Variants in NBPF26 observed in about 807,000 individuals in gnomAD.
NBPF26 encodes NBPF member 26.
Under a neutral mutation model 119.6 loss-of-function variants are expected in NBPF26, and 79 were observed. The observed-to-expected ratio is 0.66, with a 90% CI of 0.55 to 0.80. The LOEUF (loss-of-function observed/expected upper bound fraction) is 0.80. Ranked by LOEUF, NBPF26 falls within the 30% of genes least tolerant of loss-of-function variation. NBPF26 has a pLI of 0.00. For missense variants in NBPF26, 800 were observed against 1,198.2 expected (o/e 0.67, Z 4.91); for synonymous variants, 299 against 457.7 (o/e 0.65, Z 4.43).
chr1:120,791,492 T>G (rs1337680746), intron 3 of NBPF26, among the ~76,000 whole-genome samples: 1 of 89,888 alleles, frequency 1.1e-5, no homozygotes, highest in Non-Finnish European at 2.0e-5. Context: ...TTCATGTCCT[T>G]TGTAGGGACA....
chr1:120,756,712 G>C lies in NBPF26; in HGVS notation c.74-6916G>C, dbSNP rs1651084959. On this transcript the variant is annotated intron_variant, in intron 1 of 29. Transcript: ENST00000620612. ...AGGGAGGCTTTTAAGCCAGTGATAT[G>C]TAGCTGGTATGATACTGAAAAGCAT... Among the ~76,000 whole-genome samples the C allele has an allele frequency of 2.6e-5, 3 of 116,568 alleles. 1 individual carries two copies. Among genetic ancestry groups the C allele is most frequent in the African/African-American group, 1.6e-4 (3 of 19,116 alleles). The allele number at this position is 116,568 out of a possible 152,430, so 76.5% of individuals were successfully genotyped here.
intron 12 of NBPF26, among the ~76,000 whole-genome samples, chr1:120,815,391 C>A (rs1308106718): frequency 8.7e-6 from 1 of 114,418 alleles, no homozygotes; most frequent in Non-Finnish European, 1.7e-5. Context: ...GTCTTTTCGA[C>A]AATGTTCTTA....
intron 2 of NBPF26, among the ~76,000 whole-genome samples, chr1:120,776,454 G>A (rs1376025151): frequency 4.2e-5 from 2 of 48,140 alleles, no homozygotes; most frequent in Admixed American, 4.4e-4. Context: ...ATAAAGGAGA[G>A]AGCTTGAGAT....
chr1:120,815,484 A>T lies in NBPF26; in HGVS notation c.2092+441A>T, dbSNP rs1651988527. On this transcript the variant is annotated intron_variant, in intron 12 of 29. Transcript: ENST00000620612. ...ACAAATTGTCTCTTGCAAGTGTCTG[A>T]AGCATTCAAATGTGGGAACACTTAC... Among the ~76,000 whole-genome samples, 2 of 98,846 alleles carry T rather than the reference A, an allele frequency of 2.0e-5. 1 individual carries two copies. The highest frequency in any genetic ancestry group is 1.5e-4 in the African/African-American group (2 of 13,604). The allele number at this position is 98,846 out of a possible 152,430, so 64.8% of individuals were successfully genotyped here.
At chr1:120,763,755 G>A in intron 2 of NBPF26, 46 bp downstream of exon 2, 2 of 720,366 alleles carry the variant, frequency 2.8e-6, no homozygotes, top group East Asian at 2.6e-5. Context: ...TAGAACACTG[G>A]ACAAGATTTG....
At position 120,785,095 on chromosome 1, in the gene NBPF26, G is replaced by A. The variant is rs1314244334; in HGVS notation, c.277G>A (p.Ala93Thr). ...GCTGGGGAAAGCCACGTGCCGGTGT[G>A]CCTCAGGGTTTACAGGAGAGGACTG... Residue 93 changes from alanine to threonine, a missense_variant, in exon 3 of 30, where the codon GCC (alanine) becomes ACC (threonine). By Grantham distance (58) the Ala-to-Thr change is moderately conservative (BLOSUM62 0). Coordinates refer to ENST00000620612, the Ensembl canonical transcript of NBPF26. The A allele has an allele frequency of 7.6e-6, 11 of 1,446,356 alleles. 2 individuals are homozygous for A. The East Asian group carries it at 1.9e-4, about 25-fold the overall frequency. 89.6% of individuals were successfully genotyped at this position (1,446,356 alleles called of 1,614,324 possible). A position where few individuals can be genotyped will look rare whatever the true frequency, so the allele number is the denominator to read the frequency against.
At chr1:120,816,957 A>C in intron 14 of NBPF26, 130 bp downstream of exon 14, 1 of 1,154,300 alleles carries the variant, frequency 8.7e-7, no homozygotes, top group Non-Finnish European at 1.2e-6. Flanking sequence ...GATATCAGGG[A>C]GTTTTTTGTC....
rs1210306647 is a variant in NBPF26 at position 120,801,659 on chromosome 1, G to T, written c.752-3897G>T. On this transcript the variant is annotated intron_variant, in intron 4 of 29. Coordinates refer to ENST00000620612, the Ensembl canonical transcript of NBPF26. Reference sequence around the variant, plus strand: ...AGCCTGAGCAACATAGCAAGACCTTGTCTCCATGAAAAATAAAAAACTAGC... The same window carrying T: ...AGCCTGAGCAACATAGCAAGACCTTTTCTCCATGAAAAATAAAAAACTAGC... 1.9e-4 allele frequency among the ~76,000 whole-genome samples: 20 copies of T among 106,378 alleles called. 2 individuals carry two copies. Among genetic ancestry groups the T allele is most frequent in the Admixed American group, 3.7e-4 (4 of 10,944 alleles). The allele number at this position is 106,378 out of a possible 152,430, so 69.8% of individuals were successfully genotyped here.
At position 120,813,908 on chromosome 1, in the gene NBPF26, GA is replaced by G; in HGVS notation, c.1793del (p.Asp598ValfsTer3). ...TTTCTCAGAATATGAAGAGTGCAAAGATCTCATAAAATCTATGCTGAGGAAT... is the reference window on the plus strand; with the variant it reads ...TTTCTCAGAATATGAAGAGTGCAAAGTCTCATAAAATCTATGCTGAGGAAT... On this transcript the variant is annotated frameshift_variant, in exon 11 of 30. Transcript: ENST00000620612. LOFTEE classifies it high-confidence loss of function. 2 of 1,502,934 alleles carry G rather than the reference GA, an allele frequency of 1.3e-6. No homozygotes were observed. Among genetic ancestry groups the G allele is most frequent in the Non-Finnish European group, 1.8e-6 (2 of 1,102,512 alleles). The allele number at this position is 1,502,934 out of a possible 1,614,324, so 93.1% of individuals were successfully genotyped here.
intron 1 of NBPF26, among the ~76,000 whole-genome samples, chr1:120,745,901 CT>C (rs1412379477): frequency 1.9e-4 from 5 of 25,954 alleles, no homozygotes; most frequent in Non-Finnish European, 3.0e-4. Flanking sequence ...AGATGACTGA[CT>C]TTTTTTTTTT....
At chr1:120,823,010 G>C (rs1234921332) in intron 16 of NBPF26, among the ~76,000 whole-genome samples, 1 of 124,746 alleles carries the variant, frequency 8.0e-6, no homozygotes, top group Non-Finnish European at 1.6e-5. Context: ...TGAGGTGTTA[G>C]AACTATTTGC....
rs1423125275 is a variant in NBPF26, at chr1:120,724,080, G to A, written c.-98G>A. 23 of 1,308,340 alleles carry A rather than the reference G, an allele frequency of 1.8e-5. 9 individuals carry two copies. In the African/African-American group the frequency reaches 6.1e-4, roughly 34 times the overall value. 81.0% of individuals were successfully genotyped at this position (1,308,340 alleles called of 1,614,324 possible). A position where few individuals can be genotyped will look rare whatever the true frequency, so the allele number is the denominator to read the frequency against. ...CCTTTGAAGCAGGAGGAGGGGAGGA[G>A]AGAGTGGGGCTCCTCTATCGGGACC... On this transcript the variant is annotated 5_prime_UTR_variant, in exon 1 of 30. Transcript: ENST00000620612.
At chr1:120,781,723 C>G (rs1651363576) in intron 2 of NBPF26, among the ~76,000 whole-genome samples, 1 of 104,912 alleles carries the variant, frequency 9.5e-6, no homozygotes, top group Non-Finnish European at 1.8e-5. Context: ...GCCACCACGC[C>G]TGGCTAATTT....
rs1553269688 is a variant in NBPF26 at position 120,805,571 on chromosome 1, C to T, written c.767C>T (p.Ser256Phe). 1.7e-5 allele frequency: 24 copies of T among 1,437,552 alleles called. 5 individuals carry two copies. Among genetic ancestry groups the T allele is most frequent in the African/African-American group, 1.6e-4 (8 of 48,824 alleles). 89.0% of individuals were successfully genotyped at this position (1,437,552 alleles called of 1,614,324 possible). A position where few individuals can be genotyped will look rare whatever the true frequency, so the allele number is the denominator to read the frequency against. ...TTCTCCCCAGTCCCTGACTCCACCT[C>T]TTCTGCCACAAACGTCAGCATGGTG... is the stretch of plus-strand genomic sequence containing the variant. The change falls in exon 5 of 30, where the codon TCT becomes TTT. Residue 256 changes from serine to phenylalanine, a missense_variant. By Grantham distance (155) the Ser-to-Phe change is radical. This residue lies in a region of NBPF26 where 155 missense variants were observed against 143.7 expected (regional missense o/e 1.08). Transcript: ENST00000620612.
At chr1:120,809,215 A>C (rs1490374452) in intron 7 of NBPF26, among the ~76,000 whole-genome samples, 2 of 144,848 alleles carry the variant, frequency 1.4e-5, no homozygotes, top group East Asian at 3.9e-4. Context: ...TGAAGCATCC[A>C]AATATGGGAA....
In NBPF26 at chr1:120,823,954, A is replaced by G. The variant is rs1275613344; in HGVS notation, c.2640-20A>G. On this transcript the variant is annotated intron_variant, in intron 17 of 29. Transcript: ENST00000620612. Reference sequence around the variant, plus strand: ...TCTGATTCCCCCTGGCTTATTCTTTACTTTTTCCCACTTTTCCAGGCTCAG... The same window carrying G: ...TCTGATTCCCCCTGGCTTATTCTTTGCTTTTTCCCACTTTTCCAGGCTCAG... 4.6e-6 allele frequency: 3 copies of G among 648,626 alleles called. No homozygotes were observed. The highest frequency in any genetic ancestry group is 7.6e-6 in the Non-Finnish European group (3 of 397,004). The allele number at this position is 648,626 out of a possible 1,614,324, so 40.2% of individuals were successfully genotyped here.
rs1316890512 is a variant in NBPF26, at chr1:120,780,347, TAGA to T, written c.156-4624_156-4622del. ...GATCAGAGACAGGTGGGATGATTTG[TAGA>T]AGGCTTACTATAGGACAGGTTTACA... On this transcript the variant is annotated intron_variant, in intron 2 of 29. Coordinates refer to ENST00000620612, the Ensembl canonical transcript of NBPF26. 2.1e-5 allele frequency among the ~76,000 whole-genome samples: 2 copies of T among 93,184 alleles called. 1 individual carries two copies. 61.1% of individuals were successfully genotyped at this position (93,184 alleles called of 152,430 possible).
In NBPF26 at chr1:120,790,247, C is replaced by A. The variant is rs1651469579; in HGVS notation, c.416-2914C>A. On this transcript the variant is annotated intron_variant, in intron 3 of 29. Transcript: ENST00000620612. ...GCCAGAATGGTCTGGATCGCCTGACCTCATGATCCACCCGCCTCGGCCTCC... is the reference window on the plus strand; with the variant it reads ...GCCAGAATGGTCTGGATCGCCTGACATCATGATCCACCCGCCTCGGCCTCC... 1.9e-5 allele frequency among the ~76,000 whole-genome samples: 2 copies of A among 107,200 alleles called. 1 individual carries two copies. Among genetic ancestry groups the A allele is most frequent in the Admixed American group, 1.8e-4 (2 of 11,120 alleles). 70.3% of individuals were successfully genotyped at this position (107,200 alleles called of 152,430 possible).
At chr1:120,814,738 G>T (rs1412753286) in intron 11 of NBPF26, 91 bp from the exon 12 acceptor site, 1 of 803,562 alleles carries the variant, frequency 1.2e-6, no homozygotes, top group Non-Finnish European at 2.1e-6. Context: ...AGGTCTCCTT[G>T]AGGACATTGT....
Sources: allele counts gnomAD v4.1 joint callset (sites outside exome capture counted in the v4.1 genomes callset), GRCh38; gene constraint gnomAD v4.1.1; regional missense constraint gnomAD v4.1.1; transcripts MANE v1.5; gene names NCBI Gene and HGNC (gene_info 2026-07-23, HGNC 2026-07-21).